CYTH4: variants seen among roughly 807,000 people sequenced by gnomAD.
CYTH4 encodes the protein cytohesin-4.
Under a neutral mutation model 57.5 loss-of-function variants are expected in CYTH4, and 22 were observed. The observed-to-expected ratio is 0.38, with a 90% CI of 0.27 to 0.55. The LOEUF is 0.55. CYTH4 is among the 20% of genes least tolerant of loss of function. The pLI is 0.74. For missense variants in CYTH4, 420 were observed against 535.6 expected (o/e 0.78, Z 2.13); for synonymous variants, 186 against 206.5 (o/e 0.90, Z 0.85).
At position 37,314,928 on chromosome 22, in the gene CYTH4, G is replaced by C. The variant is rs1929803797; in HGVS notation, c.*1417G>C. Reference sequence around the variant, plus strand: ...ATTTGCACACCTTCCACAGGGTCAGGATGGAGTAGCTGCCTTGCGAGGTGG... The same window carrying C: ...ATTTGCACACCTTCCACAGGGTCAGCATGGAGTAGCTGCCTTGCGAGGTGG... On this transcript the variant is annotated 3_prime_UTR_variant, in exon 13 of 13. Coordinates refer to ENST00000248901, the MANE Select transcript of CYTH4 (RefSeq NM_013385.5). 1 of 152,864 alleles carries C rather than the reference G, an allele frequency of 6.5e-6. No homozygotes were observed. Among genetic ancestry groups the C allele is most frequent in the Admixed American group, 6.5e-5 (1 of 15,306 alleles). The allele number at this position is 152,864 out of a possible 1,614,324, so 9.5% of individuals were successfully genotyped here.
In CYTH4 at chr22:37,282,601, C is replaced by T. The variant is rs769761646; in HGVS notation, c.19+13C>T. On this transcript the variant is annotated intron_variant, in intron 1 of 12. Transcript: ENST00000248901. Reference sequence around the variant, plus strand: ...CTGTGCCACCCAGGTAAGCAACTGCCGTCAACCTCTCTGGGCCTCAGGGTG... The same window carrying T: ...CTGTGCCACCCAGGTAAGCAACTGCTGTCAACCTCTCTGGGCCTCAGGGTG... 8.7e-6 allele frequency: 14 copies of T among 1,608,602 alleles called. No homozygotes were observed. Among genetic ancestry groups the T allele is most frequent in the African/African-American group, 6.7e-5 (5 of 74,792 alleles).
rs149744413 is a variant in CYTH4 at position 37,303,140 on chromosome 22, G to A, written c.548-114G>A. On this transcript the variant is annotated intron_variant, in intron 7 of 12. Coordinates refer to ENST00000248901, the MANE Select transcript of CYTH4 (RefSeq NM_013385.5). Reference sequence around the variant, plus strand: ...CTGGGCCTCAAAGCCCAAGCCAGGAGGACAAGGTGGACCTTCGGGGCCTTG... The same window carrying A: ...CTGGGCCTCAAAGCCCAAGCCAGGAAGACAAGGTGGACCTTCGGGGCCTTG... The A allele has an allele frequency of 6.1e-5, 89 of 1,449,324 alleles. No individual in the cohort carries two copies. In the African/African-American group the frequency reaches 1.4e-3, roughly 23 times the overall value. The allele number at this position is 1,449,324 out of a possible 1,614,324, so 89.8% of individuals were successfully genotyped here.
intron 1 of CYTH4, among the ~76,000 whole-genome samples, chr22:37,284,568 G>A (rs1161326881): frequency 1.3e-5 from 2 of 152,182 alleles, no homozygotes; most frequent in Non-Finnish European, 2.9e-5. Context: ...CCCTCTCTGA[G>A]TTCTGATTTG....
At chr22:37,300,267 G>A in intron 6 of CYTH4, 1 of 715,852 alleles carries the variant, frequency 1.4e-6, no homozygotes, top group Non-Finnish European at 2.6e-6. Context: ...CTTTAAGGGA[G>A]AGGGGTAGGT....
Position 37,314,584 on chromosome 22 carries a change from A to G in CYTH4, c.*1073A>G, listed in dbSNP as rs1929785246. ...CACTGACGAGCAGTCCCATGGTGATAAAGGGCAGCCCGGCGGGTCCCAGCA... is the reference window on the plus strand; with the variant it reads ...CACTGACGAGCAGTCCCATGGTGATGAAGGGCAGCCCGGCGGGTCCCAGCA... On this transcript the variant is annotated 3_prime_UTR_variant, in exon 13 of 13. Coordinates refer to ENST00000248901, the MANE Select transcript of CYTH4 (RefSeq NM_013385.5). 1 of 396,332 alleles carries G rather than the reference A, an allele frequency of 2.5e-6. No homozygotes were observed. The highest frequency in any genetic ancestry group is 4.4e-5 in the Admixed American group (1 of 22,682). 24.6% of individuals were successfully genotyped at this position (396,332 alleles called of 1,614,324 possible).
chr22:37,297,779 A>G, intron 5 of CYTH4, 97 bp downstream of exon 5: 1 of 1,059,604 alleles, frequency 9.4e-7, no homozygotes, highest in East Asian at 2.5e-5. Context: ...TTATGTTAGC[A>G]AAGTCATCAC....
intron 8 of CYTH4, chr22:37,304,414 G>T (rs922181187): frequency 2.7e-6 from 1 of 371,610 alleles, no homozygotes; most frequent in African/African-American, 2.1e-5. Flanking sequence ...CATAAGAACA[G>T]GAAGGAGAGA....
In CYTH4 at chr22:37,314,595, C is replaced by T. The variant is rs1290008786; in HGVS notation, c.*1084C>T. ...AGTCCCATGGTGATAAAGGGCAGCC[C>T]GGCGGGTCCCAGCATCTCGAGACCC... On this transcript the variant is annotated 3_prime_UTR_variant, in exon 13 of 13. Coordinates refer to ENST00000248901, the MANE Select transcript of CYTH4 (RefSeq NM_013385.5). 6 of 395,562 alleles carry T rather than the reference C, an allele frequency of 1.5e-5. No individual in the cohort carries two copies. Among genetic ancestry groups the T allele is most frequent in the African/African-American group, 4.1e-5 (2 of 48,546 alleles). The allele number at this position is 395,562 out of a possible 1,614,324, so 24.5% of individuals were successfully genotyped here. A position where few individuals can be genotyped will look rare whatever the true frequency, so the allele number is the denominator to read the frequency against.
intron 1 of CYTH4, among the ~76,000 whole-genome samples, chr22:37,284,808 A>G (rs1928488901): frequency 6.6e-6 from 1 of 152,146 alleles, no homozygotes; most frequent in South Asian, 2.1e-4. Flanking sequence ...GGAAGCAGGT[A>G]AGGCGCCCTC....
intron 1 of CYTH4, among the ~76,000 whole-genome samples, chr22:37,286,741 G>A (rs921751814): frequency 1.4e-4 from 22 of 152,164 alleles, no homozygotes; most frequent in African/African-American, 4.8e-4. Flanking sequence ...CAGGGAGGCA[G>A]AGCACGGAGC....
At chr22:37,309,888 G>T in intron 9 of CYTH4, 1 of 380,056 alleles carries the variant, frequency 2.6e-6, no homozygotes. Flanking sequence ...GCAGAGAGCA[G>T]CTGGGGTGGG....
chr22:37,282,978 C>G (rs1253334770), intron 1 of CYTH4, among the ~76,000 whole-genome samples: 2 of 152,194 alleles, frequency 1.3e-5, no homozygotes, highest in African/African-American at 4.8e-5. Flanking sequence ...AAGATGTCAG[C>G]TAAGGGGCTT....
In CYTH4 at chr22:37,311,563, C is replaced by G. The variant is rs1381799952; in HGVS notation, c.957+36C>G. The G allele has an allele frequency of 2.5e-6, 4 of 1,602,510 alleles. No individual in the cohort carries two copies. The highest frequency in any genetic ancestry group is 3.4e-6 in the Non-Finnish European group (4 of 1,170,372). On this transcript the variant is annotated intron_variant, in intron 11 of 12. Coordinates refer to ENST00000248901, the MANE Select transcript of CYTH4 (RefSeq NM_013385.5). This position sits in a 1 kb window ranked among gnomAD's most constrained non-coding sequence, Gnocchi z 4.4. ...AGGTTGCAGGATCCCGAGGCTGGAGCCACTGGGAAATTTCCTAAACAGAAC... is the reference window on the plus strand; with the variant it reads ...AGGTTGCAGGATCCCGAGGCTGGAGGCACTGGGAAATTTCCTAAACAGAAC...
chr22:37,294,550 C>A, intron 2 of CYTH4, 110 bp from the exon 3 acceptor site: 1 of 1,214,998 alleles, frequency 8.2e-7, no homozygotes, highest in Non-Finnish European at 1.2e-6. Context: ...GGGAGAGGGG[C>A]CAGGTTTGAG....
Position 37,299,405 on chromosome 22 carries a change from T to G in CYTH4, c.434+99T>G, listed in dbSNP as rs1013478336. The G allele has an allele frequency of 1.3e-5, 14 of 1,088,420 alleles. No individual in the cohort carries two copies. In the East Asian group the frequency reaches 3.4e-4, roughly 27 times the overall value. 67.4% of individuals were successfully genotyped at this position (1,088,420 alleles called of 1,614,324 possible). On this transcript the variant is annotated intron_variant, in intron 6 of 12. Coordinates refer to ENST00000248901, the MANE Select transcript of CYTH4 (RefSeq NM_013385.5). Reference sequence around the variant, plus strand: ...CATAGCTGACAGCACAAACAAAGGGTTGGGAGCAAAGAAGAGGAGGCAAGG... The same window carrying G: ...CATAGCTGACAGCACAAACAAAGGGGTGGGAGCAAAGAAGAGGAGGCAAGG...
intron 1 of CYTH4, among the ~76,000 whole-genome samples, chr22:37,290,921 C>G (rs1215412397): frequency 6.6e-6 from 1 of 152,206 alleles, no homozygotes; most frequent in Non-Finnish European, 1.5e-5. Flanking sequence ...GAGCCATCAG[C>G]AGGCTTTCCT....
rs180977527 is a variant in CYTH4 at position 37,313,905 on chromosome 22, G to T, written c.*394G>T. On this transcript the variant is annotated 3_prime_UTR_variant, in exon 13 of 13. Coordinates refer to ENST00000248901, the MANE Select transcript of CYTH4 (RefSeq NM_013385.5). ...GTCAGCCCTCAACGTAGGAGGGGCC[G>T]TGGGGTCCCTAAGTGATTCTTCTCC... The T allele has an allele frequency of 1.4e-3, 363 of 256,856 alleles. 2 individuals carry two copies. The highest frequency in any genetic ancestry group is 1.4e-3 in the Non-Finnish European group (191 of 133,444). The allele number at this position is 256,856 out of a possible 1,614,324, so 15.9% of individuals were successfully genotyped here.
rs1458423035 is a variant in CYTH4 at position 37,294,857 on chromosome 22, G to A, written c.167+133G>A. ...ATCAGGGATTGGCCAGGGAGAAGGA[G>A]GCAGCAACGAGACCGGAACAGGGTG... is the stretch of plus-strand genomic sequence containing the variant. On this transcript the variant is annotated intron_variant, in intron 3 of 12. Coordinates refer to ENST00000248901, the MANE Select transcript of CYTH4 (RefSeq NM_013385.5). 5.5e-6 allele frequency: 6 copies of A among 1,089,092 alleles called. No individual in the cohort carries two copies. The South Asian group carries it at 8.4e-5, about 15-fold the overall frequency. 67.5% of individuals were successfully genotyped at this position (1,089,092 alleles called of 1,614,324 possible). A position where few individuals can be genotyped will look rare whatever the true frequency, so the allele number is the denominator to read the frequency against.
In CYTH4 at chr22:37,313,454, T is replaced by C. The variant is rs1010655744; in HGVS notation, c.1128T>C (p.Arg376=). The C allele has an allele frequency of 6.2e-7, 1 of 1,614,028 alleles. No individual in the cohort carries two copies. Among genetic ancestry groups the C allele is most frequent in the African/African-American group, 1.3e-5 (1 of 74,916 alleles). ...CTCATTCTAGAGCCAGCATCACCCG[T>C]GTCCCCTTCTACGACCTGGTCTCTA... The part of the protein sequence containing the change: ...WIESIRASIT[R]VPFYDLVSTR... Residue 376 remains arginine (R), a synonymous_variant, in exon 13 of 13, where the codon CGT becomes CGC. Transcript: ENST00000248901.
Sources: gnomAD v4.1 joint callset for allele counts (sites outside exome capture counted in the v4.1 genomes callset) on GRCh38, gnomAD v4.1.1 for gene constraint, Gnocchi (gnomAD v3.1) non-coding constraint, MANE v1.5 for transcripts, NCBI Gene and HGNC (gene_info 2026-07-23, HGNC 2026-07-21) for gene names.